Variants in ZCCHC2 observed in about 807,000 individuals in gnomAD.
ZCCHC2 encodes zinc finger CCHC domain-containing protein 2.
A neutral mutation model predicts 103.6 loss-of-function variants in ZCCHC2; 39 were observed. The ratio of observed to expected loss-of-function variants is 0.38; its 90% CI spans 0.29 to 0.49. The LOEUF is 0.49. ZCCHC2 is among the 20% of genes least tolerant of loss of function. ZCCHC2 has a pLI of 0.96. For synonymous variants in ZCCHC2, 687 were observed against 608.9 expected (o/e 1.13, Z -1.89); for missense variants, 1,483 against 1,491.0 (o/e 0.99, Z 0.09).
chr18:62,563,316 A>G (rs558175704), intron 9 of ZCCHC2, among the ~76,000 whole-genome samples, 172 bp downstream of exon 9: 2 of 152,326 alleles, frequency 1.3e-5, no homozygotes, highest in South Asian at 4.1e-4. Context: ...GAGACCTGAA[A>G]ATGTGTATTT....
intron 1 of ZCCHC2, among the ~76,000 whole-genome samples, chr18:62,537,807 T>C (rs1368613067): frequency 6.6e-6 from 1 of 152,218 alleles, no homozygotes; most frequent in Non-Finnish European, 1.5e-5. Context: ...GTGGAATTGC[T>C]GGGTCATAAA....
In ZCCHC2 at chr18:62,574,303, A is replaced by G. The variant is rs753036879; in HGVS notation, c.2222A>G (p.Lys741Arg). The G allele has an allele frequency of 9.3e-6, 15 of 1,613,916 alleles. No individual in the cohort carries two copies. The highest frequency in any genetic ancestry group is 6.7e-5 in the East Asian group (3 of 44,898). The change falls in exon 13 of 14, where the codon AAA becomes AGA. Residue 741 changes from lysine to arginine, a missense_variant. Lys to Arg is a conservative substitution (Grantham distance 26, BLOSUM62 2). This residue lies in a region of ZCCHC2 where 884 missense variants were observed against 907.5 expected (regional missense o/e 0.97). Coordinates refer to ENST00000269499, the MANE Select transcript of ZCCHC2 (RefSeq NM_017742.6). ...QKSEVVVPAP[K>R]PADGKTIGML... ...TCTGAAGTTGTCGTTCCTGCACCCAAACCCGCTGATGGCAAAACCATAGGG... is the reference window on the plus strand; with the variant it reads ...TCTGAAGTTGTCGTTCCTGCACCCAGACCCGCTGATGGCAAAACCATAGGG...
In ZCCHC2 at chr18:62,574,794, G is replaced by A. The variant is rs774124434; in HGVS notation, c.2713G>A (p.Ala905Thr). ...CAATGTGAAGGTAGTTCTTCCAGCA[G>A]CTGGCCTCTCAGCTGCTCAGCCACC... ...PTNVKVVLPA[A>T]GLSAAQPPAS... Residue 905 changes from alanine (A) to threonine (T), a missense_variant, in exon 13 of 14, where the codon GCT (alanine) becomes ACT (threonine). Physicochemically the swap from Ala to Thr is moderately conservative, Grantham distance 58. Coordinates refer to ENST00000269499, the MANE Select transcript of ZCCHC2 (RefSeq NM_017742.6). The A allele has an allele frequency of 6.2e-7, 1 of 1,613,972 alleles. No individual in the cohort carries two copies. The highest frequency in any genetic ancestry group is 1.3e-5 in the African/African-American group (1 of 75,038).
At chr18:62,583,666 G>A (rs923699624) in intron 14 of ZCCHC2, among the ~76,000 whole-genome samples, 1 of 139,428 alleles carries the variant, frequency 7.2e-6, no homozygotes, top group Non-Finnish European at 1.6e-5. Flanking sequence ...AAAAAATACT[G>A]ACCCCCCCCT....
chr18:62,534,425 T>G (rs1568539466), intron 1 of ZCCHC2, among the ~76,000 whole-genome samples: 1 of 152,164 alleles, frequency 6.6e-6, no homozygotes, highest in Non-Finnish European at 1.5e-5. Context: ...GATGGAAAAG[T>G]CATATATTAA....
rs535474174 is a variant in ZCCHC2, at chr18:62,524,117, C to T, written c.693C>T (p.Ala231=). The T allele has an allele frequency of 6.5e-7, 1 of 1,527,304 alleles. No homozygotes were observed. The highest frequency in any genetic ancestry group is 1.2e-5 in the South Asian group (1 of 82,664). The allele number at this position is 1,527,304 out of a possible 1,614,324, so 94.6% of individuals were successfully genotyped here. ...AGGACGGCGACGGCGAGCAGGACGC[C>T]GAGAAGGACGGCTCAGGCCCGGAAG... ...RGEDGDGEQD[A]EKDGSGPEGG... The change falls in exon 1 of 14, where the codon GCC becomes GCT. Residue 231 remains alanine (A), a synonymous_variant. Transcript: ENST00000269499.
intron 1 of ZCCHC2, among the ~76,000 whole-genome samples, chr18:62,527,582 T>A (rs1466144753): frequency 6.6e-6 from 1 of 152,192 alleles, no homozygotes; most frequent in African/African-American, 2.4e-5. Context: ...GCAGTTTTTT[T>A]AGGAGGCTTG....
chr18:62,524,496 C>G, intron 1 of ZCCHC2, 133 bp downstream of exon 1: 2 of 1,343,132 alleles, frequency 1.5e-6, no homozygotes, highest in South Asian at 1.6e-5. Context: ...CCCGGCAGCT[C>G]CCAGCGCCAG....
At chr18:62,540,144 A>C (rs1056542699) in intron 2 of ZCCHC2, among the ~76,000 whole-genome samples, 1 of 152,232 alleles carries the variant, frequency 6.6e-6, no homozygotes, top group African/African-American at 2.4e-5. Context: ...GAGAAAATGA[A>C]TTTTATACAA....
chr18:62,560,625 G>C lies in ZCCHC2; in HGVS notation c.1531G>C (p.Gly511Arg). ...QHAIIHKKHT[G>R]KSPIVNNIGT... ...TGCCATAATCCACAAGAAGCATACT[G>C]GGAAAAGTCCCATTGTGAAGTAAGT... is the stretch of plus-strand genomic sequence containing the variant. Residue 511 changes from glycine (G) to arginine (R), a missense_variant, in exon 8 of 14, where the codon GGG becomes CGG. By Grantham distance (125) the Gly-to-Arg change is moderately radical (BLOSUM62 -2). Coordinates refer to ENST00000269499, the MANE Select transcript of ZCCHC2 (RefSeq NM_017742.6). 6.2e-7 allele frequency: 1 copy of C among 1,613,232 alleles called. No homozygotes were observed. The highest frequency in any genetic ancestry group is 8.5e-7 in the Non-Finnish European group (1 of 1,179,518).
Position 62,523,573 on chromosome 18 carries a change from C to CG in ZCCHC2, c.149_150insG (p.Ala51ArgfsTer270). On this transcript the variant is annotated frameshift_variant, in exon 1 of 14. Coordinates refer to ENST00000269499, the MANE Select transcript of ZCCHC2 (RefSeq NM_017742.6). LOFTEE classifies it high-confidence loss of function. ...CGCCCCCCGCCGCCGCCGCCGCCGC[C>CG]CGCGGGCCCGTCGCGGGGCCCTCTG... 2.1e-6 allele frequency: 2 copies of CG among 961,490 alleles called. No individual in the cohort carries two copies. The highest frequency in any genetic ancestry group is 2.5e-6 in the Non-Finnish European group (2 of 812,274). 59.6% of individuals were successfully genotyped at this position (961,490 alleles called of 1,614,324 possible).
Position 62,536,716 on chromosome 18 carries a change from A to G in ZCCHC2, c.940-2965A>G, listed in dbSNP as rs371848203. On this transcript the variant is annotated intron_variant, in intron 1 of 13. Transcript: ENST00000269499. ...AACATAGTCTACGTGATTTTATAGCATTGATACATGCTGAGACTTGGAGGA... is the reference window on the plus strand; with the variant it reads ...AACATAGTCTACGTGATTTTATAGCGTTGATACATGCTGAGACTTGGAGGA... 1.3e-4 allele frequency among the ~76,000 whole-genome samples: 20 copies of G among 152,342 alleles called. No individual in the cohort carries two copies. The East Asian group carries it at 3.5e-3, about 26-fold the overall frequency.
intron 1 of ZCCHC2, among the ~76,000 whole-genome samples, chr18:62,538,621 C>T (rs1481381526): frequency 1.3e-5 from 2 of 152,166 alleles, no homozygotes; most frequent in Non-Finnish European, 1.5e-5. Flanking sequence ...TTTAGGTAGA[C>T]AGTCTTTGTT....
chr18:62,524,029 T>C lies in ZCCHC2; in HGVS notation c.605T>C (p.Leu202Pro). 6.8e-7 allele frequency: 1 copy of C among 1,468,854 alleles called. No homozygotes were observed. Among genetic ancestry groups the C allele is most frequent in the Non-Finnish European group, 8.9e-7 (1 of 1,121,728 alleles). The allele number at this position is 1,468,854 out of a possible 1,614,324, so 91.0% of individuals were successfully genotyped here. A position where few individuals can be genotyped will look rare whatever the true frequency, so the allele number is the denominator to read the frequency against. ...CTGCTACCCCAGGTGGACTCGGTGC[T>C]CAAAAGCCTGCGCGCGGCCCGGGGC... ...HRLLPQVDSV[L>P]KSLRAARGEG... The change falls in exon 1 of 14, where the codon CTC becomes CCC. Residue 202 changes from leucine (L) to proline (P), a missense_variant. By Grantham distance (98) the Leu-to-Pro change is moderately conservative (BLOSUM62 -3). Around this residue, in one of 3 missense-constraint regions of ZCCHC2, gnomAD observed 568 missense variants for 525.1 expected, o/e 1.08. Transcript: ENST00000269499.
rs375226415 is a variant in ZCCHC2 at position 62,558,722 on chromosome 18, T to C, written c.1444T>C (p.Leu482=). Residue 482 remains leucine (L), a synonymous_variant, in exon 7 of 14, where the codon TTA becomes CTA. Transcript: ENST00000269499. ...LQSSLKTSKI[L]EHLKEDSSEA... ...ATCCTCTCTGAAGACTTCTAAGATATTAGAACACTTAAAAGAAGACAGCTC... is the reference window on the plus strand; with the variant it reads ...ATCCTCTCTGAAGACTTCTAAGATACTAGAACACTTAAAAGAAGACAGCTC... 35 of 1,549,474 alleles carry C rather than the reference T, an allele frequency of 2.3e-5. No homozygotes were observed. The highest frequency in any genetic ancestry group is 9.6e-5 in the African/African-American group (7 of 72,944).
Position 62,574,427 on chromosome 18 carries a change from G to A in ZCCHC2, c.2346G>A (p.Ser782=), listed in dbSNP as rs756624142. ...GGCCAACAGCTTGCACTGGAGAATCGGAAAAGCACCTTGAGTTACTGGCTT... is the reference window on the plus strand; with the variant it reads ...GGCCAACAGCTTGCACTGGAGAATCAGAAAAGCACCTTGAGTTACTGGCTT... ...ILGPTACTGE[S]EKHLELLASP... is the part of the protein sequence containing the mutation. Residue 782 remains serine (S), a synonymous_variant, in exon 13 of 14, where the codon TCG becomes TCA. Transcript: ENST00000269499. 21 of 1,613,844 alleles carry A rather than the reference G, an allele frequency of 1.3e-5. No individual in the cohort carries two copies. Among genetic ancestry groups the A allele is most frequent in the East Asian group, 4.5e-5 (2 of 44,890 alleles).
At chr18:62,530,745 A>C (rs1023308662) in intron 1 of ZCCHC2, among the ~76,000 whole-genome samples, 1 of 152,220 alleles carries the variant, frequency 6.6e-6, no homozygotes, top group Non-Finnish European at 1.5e-5. Context: ...CAGAACATTA[A>C]AATAGATATT....
Position 62,574,074 on chromosome 18 carries a change from G to C in ZCCHC2, c.1993G>C (p.Glu665Gln). 1 of 1,613,250 alleles carries C rather than the reference G, an allele frequency of 6.2e-7. No individual in the cohort carries two copies. The change falls in exon 13 of 14, where the codon GAG becomes CAG. Residue 665 changes from glutamate (E) to glutamine (Q), a missense_variant. By Grantham distance (29) the Glu-to-Gln change is conservative (BLOSUM62 2). This residue lies in a region of ZCCHC2 where 884 missense variants were observed against 907.5 expected (regional missense o/e 0.97). Transcript: ENST00000269499. Reference sequence around the variant, plus strand: ...TTCTTTAGACACAGACAGCAATTCTGAGGATTCTGGGAATCCATCAACAAC... The same window carrying C: ...TTCTTTAGACACAGACAGCAATTCTCAGGATTCTGGGAATCCATCAACAAC... Reference protein sequence around the residue: ...EKDRDTDSNSEDSGNPSTTRF... With the variant: ...EKDRDTDSNSQDSGNPSTTRF...
intron 11 of ZCCHC2, among the ~76,000 whole-genome samples, chr18:62,565,665 T>A (rs1230434029): frequency 6.6e-6 from 1 of 152,192 alleles, no homozygotes; most frequent in Admixed American, 6.5e-5. Context: ...GCAGCTTCAT[T>A]GATTTTGTTT....
Sources: gnomAD v4.1 joint callset for allele counts (sites outside exome capture counted in the v4.1 genomes callset) on GRCh38, gnomAD v4.1.1 for gene constraint, gnomAD v4.1.1 regional missense constraint, MANE v1.5 for transcripts, NCBI Gene and HGNC (gene_info 2026-07-23, HGNC 2026-07-21) for gene names.